The following KAZN variants were observed in gnomAD, a reference collection of about 807,000 sequenced individuals.
KAZN encodes kazrin, periplakin interacting protein.
In KAZN, 40 loss-of-function variants were observed where a neutral mutation model predicts 87.4. That is an observed-to-expected ratio of 0.46 (90% CI 0.36 to 0.60). The LOEUF is 0.60. Ranked by LOEUF, KAZN falls within the 20% of genes least tolerant of loss-of-function variation. KAZN has a pLI of 0.00. For missense variants in KAZN, 898 were observed against 1,073.9 expected (o/e 0.84, Z 2.29); for synonymous variants, 466 against 458.3 (o/e 1.02, Z -0.22).
At chr1:14,913,250 G>C (rs978107799) in intron 1 of KAZN, among the ~76,000 whole-genome samples, 1 of 152,162 alleles carries the variant, frequency 6.6e-6, no homozygotes, top group Non-Finnish European at 1.5e-5. Context: ...GACTCCCTGA[G>C]TACCCCTCCA....
intron 1 of KAZN, among the ~76,000 whole-genome samples, chr1:14,663,621 A>AAAAAC (rs543199285): frequency 6.6e-6 from 1 of 152,198 alleles, no homozygotes; most frequent in Non-Finnish European, 1.5e-5. Context: ...GGCTGCTGTA[A>AAAAAC]AAAACAAAAC....
chr1:14,194,535 C>A (rs182136353), intron 2 of KAZN, among the ~76,000 whole-genome samples: 2 of 152,134 alleles, frequency 1.3e-5, no homozygotes, highest in Non-Finnish European at 2.9e-5. Context: ...TTGTCTGTGT[C>A]CCCAGACCCA....
At chr1:15,110,219 G>A (rs542417383) in intron 13 of KAZN, among the ~76,000 whole-genome samples, 284 of 151,034 alleles carry the variant, frequency 1.9e-3, no homozygotes, top group African/African-American at 6.0e-3. Context: ...GTGTTTGTGT[G>A]TGTTTGTGTA....
intron 1 of KAZN, among the ~76,000 whole-genome samples, chr1:14,956,492 G>C (rs1663126416): frequency 6.6e-6 from 1 of 151,860 alleles, no homozygotes; most frequent in African/African-American, 2.4e-5. Context: ...TGTAATCCCA[G>C]CTACTCAGGA....
In KAZN at chr1:14,023,176, A is replaced by T. The variant is rs563338525; in HGVS notation, c.91+129420A>T. On this transcript the variant is annotated intron_variant, in intron 1 of 16. Transcript: ENST00000636203. ...AAAGTAATAATAATAATAAAAAAAC[A>T]GCCAGGCATGTTGGCATGCGCCTGT... 2.0e-5 allele frequency among the ~76,000 whole-genome samples: 3 copies of T among 152,148 alleles called. No individual in the cohort carries two copies. In the East Asian group the frequency reaches 5.8e-4, roughly 29 times the overall value.
intron 2 of KAZN, among the ~76,000 whole-genome samples, chr1:14,249,152 A>C (rs889164458): frequency 2.0e-5 from 3 of 152,168 alleles, no homozygotes; most frequent in Non-Finnish European, 4.4e-5. Context: ...TAAATTCCTG[A>C]CCGACAGGAT....
At chr1:14,616,649 C>CT (rs1463658170) in intron 1 of KAZN, among the ~76,000 whole-genome samples, 2 of 152,164 alleles carry the variant, frequency 1.3e-5, no homozygotes, top group Admixed American at 6.5e-5. Flanking sequence ...ACCTATACCT[C>CT]TTGGCATTTC....
At chr1:13,978,828 TGTG>T in intron 1 of KAZN, among the ~76,000 whole-genome samples, 1 of 152,024 alleles carries the variant, frequency 6.6e-6, no homozygotes. Context: ...TTTGAGCTGA[TGTG>T]GTGGCATGCC....
intron 2 of KAZN, among the ~76,000 whole-genome samples, chr1:14,465,761 A>G (rs996542175): frequency 6.6e-6 from 1 of 152,198 alleles, no homozygotes; most frequent in African/African-American, 2.4e-5. Flanking sequence ...CAGTTATTCA[A>G]ATTCTGCTGT....
At chr1:14,296,396 T>C (rs976227407) in intron 2 of KAZN, among the ~76,000 whole-genome samples, 1 of 152,182 alleles carries the variant, frequency 6.6e-6, no homozygotes, top group Admixed American at 6.5e-5. Context: ...CTACACTTTC[T>C]AGCCTTGTGG....
At chr1:13,933,165 T>A (rs1385784528) in intron 1 of KAZN, among the ~76,000 whole-genome samples, 1 of 152,144 alleles carries the variant, frequency 6.6e-6, no homozygotes, top group Non-Finnish European at 1.5e-5. Flanking sequence ...AGGGTCACAT[T>A]TAGGTCCCTT....
chr1:15,014,309 T>G (rs1419960618), intron 2 of KAZN, among the ~76,000 whole-genome samples: 1 of 152,172 alleles, frequency 6.6e-6, no homozygotes, highest in African/African-American at 2.4e-5. Context: ...CCTCAGTTTC[T>G]GCATCTATGA....
At chr1:13,902,912 G>C (rs1639300835) in intron 1 of KAZN, among the ~76,000 whole-genome samples, 1 of 152,166 alleles carries the variant, frequency 6.6e-6, no homozygotes, top group African/African-American at 2.4e-5. Context: ...AAAATGTAAT[G>C]GCTGTAGGTT....
At position 15,094,855 on chromosome 1, in the gene KAZN, T is replaced by C; in HGVS notation, c.1469T>C (p.Leu490Pro). 1 of 1,550,710 alleles carries C rather than the reference T, an allele frequency of 6.4e-7. No homozygotes were observed. Among genetic ancestry groups the C allele is most frequent in the Non-Finnish European group, 8.7e-7 (1 of 1,146,776 alleles). Residue 490 changes from leucine to proline, a missense_variant, in exon 10 of 15, where the codon CTT becomes CCT. This residue lies in a region of KAZN where 521 missense variants were observed against 689.4 expected (regional missense o/e 0.76). Coordinates refer to ENST00000376030, the MANE Select transcript of KAZN (RefSeq NM_201628.3). The surrounding 1 kb of genome is among the most constrained non-coding windows in gnomAD (Gnocchi z 4.5). ...SLSDEDLQLG[L>P]GVCSSLHRRK... Reference sequence around the variant, plus strand: ...AGTGACGAGGACCTGCAGCTGGGCCTTGGGGTGTGCAGCTCCCTGCACCGG... The same window carrying C: ...AGTGACGAGGACCTGCAGCTGGGCCCTGGGGTGTGCAGCTCCCTGCACCGG...
rs140881076 is a variant in KAZN, at chr1:15,037,617, C to T, written c.555+2732C>T. Among the ~76,000 whole-genome samples, 794 of 128,926 alleles carry T rather than the reference C, an allele frequency of 6.2e-3. 8 individuals are homozygous for T. Among genetic ancestry groups the T allele is most frequent in the African/African-American group, 0.026 (692 of 26,476 alleles). 84.6% of individuals were successfully genotyped at this position (128,926 alleles called of 152,430 possible). A position where few individuals can be genotyped will look rare whatever the true frequency, so the allele number is the denominator to read the frequency against. On this transcript the variant is annotated intron_variant, in intron 3 of 14. Transcript: ENST00000376030. The stretch of plus-strand genomic sequence containing the variant: ...TTATCATTATCATTATTATTGCTTT[C>T]GGGGATTCAGAGTCAGCCATTTGAT...
At chr1:14,684,370 T>C (rs1461365101) in intron 1 of KAZN, among the ~76,000 whole-genome samples, 2 of 152,310 alleles carry the variant, frequency 1.3e-5, no homozygotes, top group African/African-American at 2.4e-5. Context: ...TATTTCACCC[T>C]GAATGCCGTT....
chr1:14,639,231 AG>A (rs1367497021), intron 1 of KAZN, among the ~76,000 whole-genome samples: 1 of 152,156 alleles, frequency 6.6e-6, no homozygotes, highest in Non-Finnish European at 1.5e-5. Flanking sequence ...CAGAGTGAGA[AG>A]GGGAGACCTC....
intron 1 of KAZN, among the ~76,000 whole-genome samples, chr1:14,817,617 C>T (rs1293508545): frequency 6.6e-6 from 1 of 152,154 alleles, no homozygotes; most frequent in Non-Finnish European, 1.5e-5. Context: ...GCTGTCTTCT[C>T]TCTGCATATG....
At chr1:13,952,865 A>G (rs866043847) in intron 1 of KAZN, among the ~76,000 whole-genome samples, 2 of 152,182 alleles carry the variant, frequency 1.3e-5, no homozygotes, top group African/African-American at 4.8e-5. Context: ...ATCTCCACTT[A>G]GTCGCCTTTA....
Sources: gnomAD v4.1 joint callset for allele counts (sites outside exome capture counted in the v4.1 genomes callset) on GRCh38, gnomAD v4.1.1 for gene constraint, gnomAD v4.1.1 regional missense constraint, Gnocchi (gnomAD v3.1) non-coding constraint, MANE v1.5 for transcripts, NCBI Gene and HGNC (gene_info 2026-07-23, HGNC 2026-07-21) for gene names.